Variants in ACSS1 observed in about 807,000 individuals in gnomAD.
ACSS1 encodes acyl-CoA synthetase short chain family member 1, also known as acetyl-coenzyme A synthetase 2-like, mitochondrial.
ACSS1 carries 42 observed loss-of-function variants against 75.3 expected under a neutral mutation model. The observed-to-expected ratio is 0.56, with a 90% CI of 0.44 to 0.72. ACSS1 has a LOEUF of 0.72. ACSS1 is among the 30% of genes least tolerant of loss of function. The pLI is 0.00. For synonymous variants in ACSS1, 380 were observed against 376.8 expected (o/e 1.01, Z -0.10); for missense variants, 782 against 935.7 (o/e 0.84, Z 2.14).
chr20:25,023,372 G>C, intron 4 of ACSS1, 94 bp downstream of exon 4: 4 of 1,487,290 alleles, frequency 2.7e-6, no homozygotes, highest in Non-Finnish European at 3.7e-6. Context: ...GGCACCTCTA[G>C]GGAACCCAAA....
At chr20:25,039,157 T>C (rs1477091711) in intron 2 of ACSS1, among the ~76,000 whole-genome samples, 1 of 152,154 alleles carries the variant, frequency 6.6e-6, no homozygotes, top group Non-Finnish European at 1.5e-5. Flanking sequence ...GCCCATAGGT[T>C]CTGAGCTCCC....
At chr20:25,042,491 C>T (rs1431863313) in intron 2 of ACSS1, among the ~76,000 whole-genome samples, 1 of 152,170 alleles carries the variant, frequency 6.6e-6, no homozygotes, top group Admixed American at 6.5e-5. Flanking sequence ...GTTTGCCTTC[C>T]ACGACAGCCG....
intron 1 of ACSS1, among the ~76,000 whole-genome samples, chr20:25,051,285 G>A (rs1568851203): frequency 6.6e-6 from 1 of 152,190 alleles, no homozygotes; most frequent in African/African-American, 2.4e-5. Context: ...CTCAGGTCTG[G>A]GTTCAGGTAG....
chr20:25,048,229 T>A, intron 1 of ACSS1, 48 bp from the exon 2 acceptor site: 1 of 1,571,748 alleles, frequency 6.4e-7, no homozygotes, highest in Non-Finnish European at 8.7e-7. Context: ...GCTTTTTGAG[T>A]GAGAATTCGG....
rs537756169 is a variant in ACSS1, at chr20:25,028,918, C to CAAAAAGAAAA, written c.631+1831_631+1840dup. 2.6e-3 allele frequency among the ~76,000 whole-genome samples: 388 copies of CAAAAAGAAAA among 147,616 alleles called. 1 individual carries two copies. Among genetic ancestry groups the CAAAAAGAAAA allele is most frequent in the African/African-American group, 9.5e-3 (380 of 40,080 alleles). ...CTGGCAACAGAGCGAGAATCCATCT[C>CAAAAAGAAAA]AAAAAGAAAAAAAAAAGAAAACATA... On this transcript the variant is annotated intron_variant, in intron 3 of 13. Transcript: ENST00000323482.
intron 2 of ACSS1, among the ~76,000 whole-genome samples, chr20:25,039,248 A>AGTCAGGGC (rs879326891): frequency 6.6e-6 from 1 of 152,162 alleles, no homozygotes; most frequent in Non-Finnish European, 1.5e-5. Flanking sequence ...CAGCTGAAGG[A>AGTCAGGGC]GTCAGGGCAG....
rs1198778389 is a variant in ACSS1 at position 25,046,833 on chromosome 20, G to C, written c.431+1252C>G. On this transcript the variant is annotated intron_variant, in intron 2 of 13. Coordinates refer to ENST00000323482, the MANE Select transcript of ACSS1 (RefSeq NM_032501.4). ...GCCCGAGGATCCAGGGCAGAAGAAT[G>C]CTGCTGGCCTATGGGCCACACGGCA... is the stretch of plus-strand genomic sequence containing the variant. The C allele has an allele frequency of 5.1e-6, 4 of 779,686 alleles. No homozygotes were observed. In the East Asian group the frequency reaches 9.7e-5, roughly 19 times the overall value. The allele number at this position is 779,686 out of a possible 1,614,324, so 48.3% of individuals were successfully genotyped here. A position where few individuals can be genotyped will look rare whatever the true frequency, so the allele number is the denominator to read the frequency against.
chr20:25,043,084 G>A (rs78016689), intron 2 of ACSS1, among the ~76,000 whole-genome samples: 3,631 of 152,018 alleles, frequency 0.024, 147 homozygotes, highest in African/African-American at 0.08. Context: ...GCCAGGGACA[G>A]GGCAGGCAGG....
Position 25,015,268 on chromosome 20 carries a change from G to T in ACSS1, c.1247-38C>A. The T allele has an allele frequency of 2.0e-6, 3 of 1,529,050 alleles. No homozygotes were observed. In the South Asian group the frequency reaches 3.5e-5, roughly 18 times the overall value. 94.7% of individuals were successfully genotyped at this position (1,529,050 alleles called of 1,614,324 possible). A position where few individuals can be genotyped will look rare whatever the true frequency, so the allele number is the denominator to read the frequency against. On this transcript the variant is annotated intron_variant, in intron 7 of 13. Coordinates refer to ENST00000323482, the MANE Select transcript of ACSS1 (RefSeq NM_032501.4). ...AGAAAGAAAAAGATGTTAACAGGCT[G>T]CAAATAAACCTGAAACCAAAGGGAA...
intron 1 of ACSS1, among the ~76,000 whole-genome samples, chr20:25,051,684 T>G (rs957717644): frequency 3.9e-5 from 6 of 152,228 alleles, no homozygotes; most frequent in Non-Finnish European, 7.3e-5. Context: ...CCAATGGTTT[T>G]CTTTTTCCTT....
intron 10 of ACSS1, 91 bp downstream of exon 10, chr20:25,013,441 ACGCT>A: frequency 6.8e-7 from 1 of 1,476,288 alleles, no homozygotes; most frequent in African/African-American, 1.4e-5. Flanking sequence ...CCACAGTGTT[ACGCT>A]GCACTCAAAT....
At chr20:25,031,495 T>A (rs996650030) in intron 2 of ACSS1, among the ~76,000 whole-genome samples, 2 of 152,198 alleles carry the variant, frequency 1.3e-5, no homozygotes, top group African/African-American at 4.8e-5. Flanking sequence ...TTTCTTTCAA[T>A]CAACAAAGTA....
Position 25,015,126 on chromosome 20 carries a change from A to G in ACSS1, c.1339+12T>C. ...GCACTTAGACCGGAACCTGTTCCCCAGGCCTCCTCACCTGTCTGCCACCAG... is the reference window on the plus strand; with the variant it reads ...GCACTTAGACCGGAACCTGTTCCCCGGGCCTCCTCACCTGTCTGCCACCAG... On this transcript the variant is annotated intron_variant, in intron 8 of 13. Transcript: ENST00000323482. 6.2e-7 allele frequency: 1 copy of G among 1,603,916 alleles called. No homozygotes were observed. Among genetic ancestry groups the G allele is most frequent in the Admixed American group, 1.7e-5 (1 of 59,260 alleles).
At chr20:25,021,327 G>T in intron 6 of ACSS1, 62 bp downstream of exon 6, 1 of 1,578,996 alleles carries the variant, frequency 6.3e-7, no homozygotes. Context: ...CACAAGCCTC[G>T]AGCCTCAGGC....
At chr20:25,051,111 C>T (rs1600351749) in intron 1 of ACSS1, among the ~76,000 whole-genome samples, 1 of 152,350 alleles carries the variant, frequency 6.6e-6, no homozygotes, top group South Asian at 2.1e-4. Context: ...GCTGTGGCTT[C>T]TCCCTGCCTG....
In ACSS1 at chr20:25,046,895, G is replaced by A. The variant is rs745793958; in HGVS notation, c.431+1190C>T. 7 of 779,656 alleles carry A rather than the reference G, an allele frequency of 9.0e-6. No individual in the cohort carries two copies. The African/African-American group carries it at 1.0e-4, about 11-fold the overall frequency. 48.3% of individuals were successfully genotyped at this position (779,656 alleles called of 1,614,324 possible). A position where few individuals can be genotyped will look rare whatever the true frequency, so the allele number is the denominator to read the frequency against. ...GGACTAGAGATAAGAAATGCGTGCT[G>A]TATAGGCTGTGAGTCTGGCTGGTGG... On this transcript the variant is annotated intron_variant, in intron 2 of 13. Coordinates refer to ENST00000323482, the MANE Select transcript of ACSS1 (RefSeq NM_032501.4).
chr20:25,051,630 A>C (rs1162716733), intron 1 of ACSS1, among the ~76,000 whole-genome samples: 2 of 152,336 alleles, frequency 1.3e-5, no homozygotes, highest in East Asian at 3.9e-4. Flanking sequence ...ATGTGTGCAC[A>C]TGGACCTACA....
At chr20:25,017,718 A>G (rs1760705478) in intron 7 of ACSS1, among the ~76,000 whole-genome samples, 1 of 152,228 alleles carries the variant, frequency 6.6e-6, no homozygotes, top group African/African-American at 2.4e-5. Context: ...CTGCTGGGAT[A>G]CACATCCCAC....
chr20:25,013,387 G>T, intron 10 of ACSS1, 149 bp downstream of exon 10: 2 of 1,017,516 alleles, frequency 2.0e-6, no homozygotes, highest in Non-Finnish European at 2.8e-6. Context: ...CAAAGGGAGA[G>T]GGGTGCGGAG....
Sources: allele counts gnomAD v4.1 joint callset (sites outside exome capture counted in the v4.1 genomes callset), GRCh38; gene constraint gnomAD v4.1.1; transcripts MANE v1.5; gene names NCBI Gene and HGNC (gene_info 2026-07-23, HGNC 2026-07-21).